DMD: variants seen among roughly 807,000 people sequenced by gnomAD.
DMD encodes mutant dystrophin.
In DMD, 63 loss-of-function variants were observed where a neutral mutation model predicts 330.1. That is an observed-to-expected ratio of 0.19 (90% CI 0.16 to 0.24). The LOEUF is 0.24. Ranked by LOEUF, DMD falls within the 10% of genes least tolerant of loss-of-function variation. The pLI is 1.00. For synonymous variants in DMD, 1,223 were observed against 959.8 expected, an observed-to-expected ratio of 1.27 and a Z score of -5.07; for missense variants, 3,344 against 2,684.1, an observed-to-expected ratio of 1.25 and a Z score of -5.43.
At chrX:33,052,769 T>C (rs2094472501) in intron 1 of DMD, among the ~76,000 whole-genome samples, 1 of 111,877 alleles carries the variant, frequency 8.9e-6, no homozygotes, top group South Asian at 3.7e-4. Flanking sequence ...AGGGTGACTA[T>C]AGTCAATAAT....
rs766974696 is a variant in DMD at position 32,531,721 on chromosome X, C to T, written c.2168+13438G>A. 5.5e-3 allele frequency among the ~76,000 whole-genome samples: 607 copies of T among 110,451 alleles called. 3 individuals are homozygous for T. Among genetic ancestry groups the T allele is most frequent in the Middle Eastern group, 0.014 (3 of 209 alleles). Reference sequence around the variant, plus strand: ...GAATCCAAAGATTTCTACAACACTACATTTTTCTTTTGTTCCAAATAAACG... The same window carrying T: ...GAATCCAAAGATTTCTACAACACTATATTTTTCTTTTGTTCCAAATAAACG... On this transcript the variant is annotated intron_variant, in intron 17 of 78. Coordinates refer to ENST00000357033, the MANE Select transcript of DMD (RefSeq NM_004006.3).
In DMD at chrX:31,718,095, C is replaced by T. The variant is rs976451694; in HGVS notation, c.7660+11536G>A. Reference sequence around the variant, plus strand: ...CCAAACCATGCAGTAATTGGAAACACTGAAAATAGAAAATTCTGTATACAT... The same window carrying T: ...CCAAACCATGCAGTAATTGGAAACATTGAAAATAGAAAATTCTGTATACAT... On this transcript the variant is annotated intron_variant, in intron 52 of 78. Transcript: ENST00000357033. Among the ~76,000 whole-genome samples, 14 of 112,012 alleles carry T rather than the reference C, an allele frequency of 1.2e-4. 1 individual carries two copies. The highest frequency in any genetic ancestry group is 3.9e-4 in the African/African-American group (12 of 30,825).
intron 44 of DMD, among the ~76,000 whole-genome samples, chrX:32,132,234 G>A (rs1294086751): frequency 8.9e-6 from 1 of 111,849 alleles, no homozygotes; most frequent in Non-Finnish European, 1.9e-5. Flanking sequence ...GGGTGGGTCA[G>A]TAACGGAAAT....
chrX:32,901,452 C>A (rs1268998453), intron 2 of DMD, among the ~76,000 whole-genome samples: 2 of 109,117 alleles, frequency 1.8e-5, no homozygotes, highest in Non-Finnish European at 3.8e-5. Context: ...TGAGAACTCT[C>A]AAAATCCATT....
chrX:32,363,038 C>T (rs1436430800), intron 36 of DMD, 80 bp from the exon 37 acceptor site: 12 of 956,735 alleles, frequency 1.3e-5, no homozygotes, highest in Non-Finnish European at 1.8e-5. Context: ...CCAAACAGAG[C>T]GAGTGAGCAA....
At chrX:32,458,695 T>C (rs1192232756) in intron 25 of DMD, among the ~76,000 whole-genome samples, 1 of 111,524 alleles carries the variant, frequency 9.0e-6, no homozygotes, top group Non-Finnish European at 1.9e-5. Context: ...ATAGCCACCC[T>C]AACAGGTATG....
At chrX:32,671,633 G>C (rs917688005) in intron 9 of DMD, among the ~76,000 whole-genome samples, 4 of 111,754 alleles carry the variant, frequency 3.6e-5, no homozygotes, top group African/African-American at 1.3e-4. Flanking sequence ...TTAGAAAAAT[G>C]GAAAATCATA....
intron 53 of DMD, among the ~76,000 whole-genome samples, chrX:31,669,494 T>C (rs751778491): frequency 2.7e-5 from 3 of 111,836 alleles, no homozygotes; most frequent in Non-Finnish European, 3.8e-5. Context: ...TTTTTGTGTA[T>C]GGTGTGAGGT....
At chrX:33,072,832 GT>G (rs2148174442) in intron 1 of DMD, among the ~76,000 whole-genome samples, 1 of 111,450 alleles carries the variant, frequency 9.0e-6, no homozygotes, top group East Asian at 2.8e-4. Flanking sequence ...TACCATCAAT[GT>G]TTTTGAAAAC....
At chrX:33,194,508 AT>A (rs2050820539) in intron 1 of DMD, among the ~76,000 whole-genome samples, 1 of 111,481 alleles carries the variant, frequency 9.0e-6, no homozygotes, top group African/African-American at 3.3e-5. Flanking sequence ...CATCATAAAA[AT>A]TGTCATAGAT....
chrX:31,964,495 A>G (rs1460794276), intron 45 of DMD, among the ~76,000 whole-genome samples: 1 of 111,282 alleles, frequency 9.0e-6, no homozygotes, highest in African/African-American at 3.3e-5. Flanking sequence ...ATAAACAGGC[A>G]TGGTTATATA....
intron 2 of DMD, among the ~76,000 whole-genome samples, chrX:32,982,236 T>G (rs2092724331): frequency 9.0e-6 from 1 of 111,707 alleles, no homozygotes; most frequent in Non-Finnish European, 1.9e-5. Context: ...CACCTCATTA[T>G]AATACTAAGT....
At chrX:32,487,743 C>T (rs980352721) in intron 20 of DMD, among the ~76,000 whole-genome samples, 1 of 110,573 alleles carries the variant, frequency 9.0e-6, no homozygotes, top group Non-Finnish European at 1.9e-5. Context: ...TAATCTCTGA[C>T]GATTCAATCG....
Position 32,464,612 on chromosome X carries a change from G to A in DMD, c.3250C>T (p.Leu1084=). The A allele has an allele frequency of 1.7e-6, 2 of 1,207,873 alleles. No individual in the cohort carries two copies. Among genetic ancestry groups the A allele is most frequent in the African/African-American group, 3.5e-5 (2 of 57,646 alleles). Residue 1084 remains leucine (L), a synonymous_variant, in exon 24 of 79, where the codon CTA becomes TTA. Coordinates refer to ENST00000357033, the MANE Select transcript of DMD (RefSeq NM_004006.3). ...CTGCACTGTTTCAGCTGCTTTTTTA[G>A]AATTTCTGAATCCCCAAGGGCAGGC... ...EWPALGDSEI[L]KKQLKQCRLL... is the part of the protein sequence containing the mutation.
chrX:31,382,654 T>C (rs2060238835), intron 60 of DMD, among the ~76,000 whole-genome samples: 1 of 111,553 alleles, frequency 9.0e-6, no homozygotes, highest in South Asian at 3.8e-4. Context: ...TTTCAATTCA[T>C]ACAAAACCGT....
intron 51 of DMD, among the ~76,000 whole-genome samples, chrX:31,751,734 T>C (rs1172222876): frequency 2.7e-5 from 3 of 112,171 alleles, no homozygotes; most frequent in African/African-American, 9.7e-5. Flanking sequence ...TGTATTAAAA[T>C]TGTGCAAAGT....
chrX:33,179,492 G>A (rs1362661730), intron 1 of DMD, among the ~76,000 whole-genome samples: 1 of 109,840 alleles, frequency 9.1e-6, no homozygotes, highest in African/African-American at 3.3e-5. Context: ...AGGAGATCGA[G>A]ACCATCCTGG....
chrX:33,227,492 C>G (rs1464200215), intron 1 of DMD, among the ~76,000 whole-genome samples: 1 of 110,803 alleles, frequency 9.0e-6, no homozygotes, highest in Non-Finnish European at 1.9e-5. Flanking sequence ...GATTGCGGTG[C>G]CTAAAGCTCG....
chrX:32,973,977 G>A (rs982984036), intron 2 of DMD, among the ~76,000 whole-genome samples: 1 of 111,075 alleles, frequency 9.0e-6, no homozygotes, highest in East Asian at 2.8e-4. Flanking sequence ...GAAACATATG[G>A]CCATTTGTGA....
Sources: allele counts gnomAD v4.1 joint callset (sites outside exome capture counted in the v4.1 genomes callset), GRCh38; gene constraint gnomAD v4.1.1; transcripts MANE v1.5; gene names NCBI Gene and HGNC (gene_info 2026-07-23, HGNC 2026-07-21).